The following CDH13 variants were observed in gnomAD, a reference collection of about 807,000 sequenced individuals.
The protein encoded by CDH13 is cadherin-13.
Under a neutral mutation model 63.8 loss-of-function variants are expected in CDH13, and 24 were observed. The ratio of observed to expected loss-of-function variants is 0.38; its 90% CI spans 0.27 to 0.53. The LOEUF (loss-of-function observed/expected upper bound fraction) is 0.53, where lower values mean the gene tolerates loss of function less well. Ranked by LOEUF, CDH13 falls within the 20% of genes least tolerant of loss-of-function variation. The pLI, the probability that CDH13 is intolerant of heterozygous loss-of-function variation, is 0.85. For synonymous variants in CDH13, 503 were observed against 355.3 expected (o/e 1.42, Z -4.67); for missense variants, 1,049 against 903.1 (o/e 1.16, Z -2.07).
intron 3 of CDH13, among the ~76,000 whole-genome samples, chr16:83,109,569 G>A (rs971749258): frequency 1.3e-5 from 2 of 152,122 alleles, no homozygotes; most frequent in Non-Finnish European, 2.9e-5. Flanking sequence ...TTCTAACAGG[G>A]GCCAGCCAGA....
chr16:83,247,095 G>A (rs1327356980), intron 5 of CDH13, among the ~76,000 whole-genome samples: 1 of 152,204 alleles, frequency 6.6e-6, no homozygotes, highest in Non-Finnish European at 1.5e-5. Flanking sequence ...CTAAACAGGA[G>A]GGCACTGTGG....
chr16:83,138,523 C>T (rs1226453371), intron 4 of CDH13, among the ~76,000 whole-genome samples: 3 of 152,082 alleles, frequency 2.0e-5, no homozygotes, highest in African/African-American at 4.8e-5. Context: ...GCGAGAGGGA[C>T]GGTGGTCTGT....
chr16:83,780,323 G>C (rs529479192), intron 12 of CDH13, 122 bp downstream of exon 12: 157 of 649,450 alleles, frequency 2.4e-4, no homozygotes, highest in Non-Finnish European at 3.7e-4. Context: ...TAAGTTATTG[G>C]CATATTATAA....
chr16:82,760,177 T>C (rs1191796531), intron 1 of CDH13, among the ~76,000 whole-genome samples: 2 of 152,098 alleles, frequency 1.3e-5, no homozygotes, highest in Non-Finnish European at 2.9e-5. Context: ...GCTCCACACA[T>C]AGGCATATCT....
intron 7 of CDH13, among the ~76,000 whole-genome samples, chr16:83,592,923 C>T (rs1054937008): frequency 6.6e-6 from 1 of 152,164 alleles, no homozygotes; most frequent in Non-Finnish European, 1.5e-5. Flanking sequence ...GGAAGAACAT[C>T]GCTCGACCTC....
intron 4 of CDH13, among the ~76,000 whole-genome samples, chr16:83,147,744 T>A (rs756361720): frequency 6.6e-6 from 1 of 152,072 alleles, no homozygotes; most frequent in Non-Finnish European, 1.5e-5. Context: ...CCTAGAGGGC[T>A]TTTGTTTGTC....
chr16:83,533,686 T>A (rs1202791326), intron 7 of CDH13, among the ~76,000 whole-genome samples: 1 of 147,126 alleles, frequency 6.8e-6, no homozygotes, highest in East Asian at 2.0e-4. Flanking sequence ...AGTGGCACGA[T>A]CTCAGCTCAC....
At chr16:82,899,795 G>C (rs1567643206) in intron 2 of CDH13, among the ~76,000 whole-genome samples, 1 of 152,184 alleles carries the variant, frequency 6.6e-6, no homozygotes, top group Admixed American at 6.5e-5. Flanking sequence ...ACAAAACAAA[G>C]TGAATCGCTA....
chr16:82,697,343 T>C (rs532985663), intron 1 of CDH13, among the ~76,000 whole-genome samples: 1 of 151,790 alleles, frequency 6.6e-6, no homozygotes, highest in South Asian at 2.1e-4. Context: ...GAGAACAAGA[T>C]GAGGCTTTGT....
rs928967688 is a variant in CDH13 at position 83,461,179 on chromosome 16, A to T, written c.782-25298A>T. Among the ~76,000 whole-genome samples the T allele has an allele frequency of 6.6e-5, 10 of 152,248 alleles. No homozygotes were observed. In the Middle Eastern group the frequency reaches 0.017, roughly 259 times the overall value. On this transcript the variant is annotated intron_variant, in intron 6 of 13. Coordinates refer to ENST00000567109, the MANE Select transcript of CDH13 (RefSeq NM_001257.5). Reference sequence around the variant, plus strand: ...TGTACTATTTATTATACCTTGCTATATGTTGTATATGCATGTGTGTATATA... The same window carrying T: ...TGTACTATTTATTATACCTTGCTATTTGTTGTATATGCATGTGTGTATATA...
intron 6 of CDH13, among the ~76,000 whole-genome samples, chr16:83,401,763 C>A (rs745445752): frequency 6.6e-6 from 1 of 152,166 alleles, no homozygotes; most frequent in Non-Finnish European, 1.5e-5. Flanking sequence ...TTAAACAGTT[C>A]CCTCAACAAA....
intron 4 of CDH13, among the ~76,000 whole-genome samples, chr16:83,135,805 G>C (rs2036255723): frequency 6.6e-6 from 1 of 152,162 alleles, no homozygotes. Context: ...TAAAGAAACT[G>C]TGACATATGT....
chr16:83,203,823 A>G (rs2039103283), intron 4 of CDH13, among the ~76,000 whole-genome samples: 1 of 152,172 alleles, frequency 6.6e-6, no homozygotes, highest in Non-Finnish European at 1.5e-5. Flanking sequence ...CAAGTTAGCA[A>G]GAGAGTAAGC....
intron 7 of CDH13, among the ~76,000 whole-genome samples, chr16:83,505,773 C>A (rs1445243215): frequency 6.6e-6 from 1 of 152,076 alleles, no homozygotes. Context: ...GAACTCCTGA[C>A]CTCAGGTGAT....
intron 5 of CDH13, among the ~76,000 whole-genome samples, chr16:83,317,050 G>C (rs549325498): frequency 6.6e-6 from 1 of 152,174 alleles, no homozygotes; most frequent in Non-Finnish European, 1.5e-5. Flanking sequence ...GACATTTCTG[G>C]TTATCACAAC....
chr16:83,779,929 A>G (rs1456614005), intron 11 of CDH13, 39 bp from the exon 12 acceptor site: 2 of 1,377,348 alleles, frequency 1.5e-6, no homozygotes, highest in African/African-American at 1.4e-5. Context: ...GCTCTCGCAT[A>G]TACCAGTTGC....
chr16:83,078,207 C>G (rs774924556), intron 3 of CDH13, among the ~76,000 whole-genome samples: 6 of 152,138 alleles, frequency 3.9e-5, no homozygotes, highest in Non-Finnish European at 7.3e-5. Context: ...TCTCTTCTAT[C>G]TGGATTTTCC....
At chr16:83,495,887 C>A (rs2074129894) in intron 7 of CDH13, among the ~76,000 whole-genome samples, 1 of 152,114 alleles carries the variant, frequency 6.6e-6, no homozygotes. Context: ...AGAGCCAAAT[C>A]ATGAGTGAAC....
intron 10 of CDH13, among the ~76,000 whole-genome samples, chr16:83,681,126 G>C (rs887443274): frequency 2.6e-5 from 4 of 151,952 alleles, no homozygotes; most frequent in Non-Finnish European, 5.9e-5. Flanking sequence ...CACGAGTCCT[G>C]GTGCCTGAGC....
Sources: gnomAD v4.1 joint callset for allele counts (sites outside exome capture counted in the v4.1 genomes callset) on GRCh38, gnomAD v4.1.1 for gene constraint, MANE v1.5 for transcripts, NCBI Gene and HGNC (gene_info 2026-07-23, HGNC 2026-07-21) for gene names.